QSOX2: variants seen among roughly 807,000 people sequenced by gnomAD.
The protein encoded by QSOX2 is sulfhydryl oxidase 2.
In QSOX2, 46 loss-of-function variants were observed where a neutral mutation model predicts 61.7. The observed-to-expected ratio is 0.75, with a 90% CI of 0.59 to 0.95. The LOEUF is 0.95. Ranked by LOEUF, QSOX2 falls within the 40% of genes least tolerant of loss-of-function variation. The pLI, the probability that QSOX2 is intolerant of heterozygous loss-of-function variation, is 0.00. For synonymous variants in QSOX2, 383 were observed against 388.4 expected (o/e 0.99, Z 0.16); for missense variants, 879 against 918.9 (o/e 0.96, Z 0.56).
At chr9:136,244,128 T>C (rs2131072983) in intron 1 of QSOX2, among the ~76,000 whole-genome samples, 1 of 152,284 alleles carries the variant, frequency 6.6e-6, no homozygotes, top group East Asian at 1.9e-4. Context: ...TGCATTTTAA[T>C]GAACATATCT....
chr9:136,235,275 A>G (rs1197138091), intron 1 of QSOX2, among the ~76,000 whole-genome samples: 4 of 152,236 alleles, frequency 2.6e-5, no homozygotes, highest in Admixed American at 2.0e-4. Context: ...CAGGACCAAC[A>G]TGCCCACTCA....
In QSOX2 at chr9:136,215,208, A is replaced by G. The variant is rs1831894297; in HGVS notation, c.1306T>C (p.Phe436Leu). The G allele has an allele frequency of 6.2e-7, 1 of 1,613,988 alleles. No individual in the cohort carries two copies. The change falls in exon 10 of 12, where the codon TTC (phenylalanine) becomes CTC (leucine). Residue 436 changes from phenylalanine (F) to leucine (L), a missense_variant. Coordinates refer to ENST00000358701, the MANE Select transcript of QSOX2 (RefSeq NM_181701.4). ...RGYPCSLWKL[F>L]HTLTVEASTH... ...GAGGCTTCAACAGTCAAAGTGTGGA[A>G]CAGTTTCCAGAGAGAACACGGGTAA... is the stretch of plus-strand genomic sequence containing the variant.
intron 10 of QSOX2, 87 bp from the exon 11 acceptor site, chr9:136,211,539 G>A (rs1156536786): frequency 5.8e-6 from 8 of 1,385,738 alleles, no homozygotes; most frequent in African/African-American, 1.4e-5. Context: ...GGGGGAAACC[G>A]CTCCTGACAT....
chr9:136,226,300 C>G (rs895145859), intron 2 of QSOX2, among the ~76,000 whole-genome samples: 18 of 152,300 alleles, frequency 1.2e-4, no homozygotes, highest in African/African-American at 4.3e-4. Context: ...CTAGTGGGAG[C>G]AATGGGCACA....
At chr9:136,233,084 G>C (rs970334967) in intron 1 of QSOX2, among the ~76,000 whole-genome samples, 1 of 152,156 alleles carries the variant, frequency 6.6e-6, no homozygotes, top group Non-Finnish European at 1.5e-5. Context: ...CCAGTCGGGA[G>C]AGGCTGACTC....
In QSOX2 at chr9:136,221,029, C is replaced by T. The variant is rs1363576522; in HGVS notation, c.821+767G>A. On this transcript the variant is annotated intron_variant, in intron 6 of 11. Coordinates refer to ENST00000358701, the MANE Select transcript of QSOX2 (RefSeq NM_181701.4). The surrounding 1 kb of genome is among the most constrained non-coding windows in gnomAD (Gnocchi z 4.5). ...TGTTTACTTTTTCATTGGGCTTATC[C>T]GAGGGGCACACAGGCACTCCACGCA... Among the ~76,000 whole-genome samples, 9 of 152,000 alleles carry T rather than the reference C, an allele frequency of 5.9e-5. No homozygotes were observed. The highest frequency in any genetic ancestry group is 1.2e-4 in the African/African-American group (5 of 41,390).
chr9:136,210,019 C>A (rs1490755850), intron 11 of QSOX2: 1 of 985,326 alleles, frequency 1.0e-6, no homozygotes, highest in Admixed American at 6.1e-5. Flanking sequence ...GTAAACACAA[C>A]CACGTTTGTC....
At chr9:136,231,603 T>G (rs868274663) in intron 1 of QSOX2, among the ~76,000 whole-genome samples, 2 of 152,230 alleles carry the variant, frequency 1.3e-5, no homozygotes, top group African/African-American at 4.8e-5. Flanking sequence ...CCCTGGCCAG[T>G]GCTCAGGGGC....
chr9:136,231,792 G>A (rs1340306743), intron 1 of QSOX2, among the ~76,000 whole-genome samples: 1 of 152,204 alleles, frequency 6.6e-6, no homozygotes, highest in Non-Finnish European at 1.5e-5. Flanking sequence ...GAATGTCACC[G>A]CCCCTACTTG....
chr9:136,221,973 A>AG lies in QSOX2; in HGVS notation c.676-33dup. ...GATGAGAACACAATGACACTTCCAC[A>AG]GGGGCTGGCAGTTTCTCAGAAAACA... On this transcript the variant is annotated intron_variant, in intron 5 of 11. Coordinates refer to ENST00000358701, the MANE Select transcript of QSOX2 (RefSeq NM_181701.4). This position sits in a 1 kb window ranked among gnomAD's most constrained non-coding sequence, Gnocchi z 4.5. 6.6e-7 allele frequency: 1 copy of AG among 1,518,148 alleles called. No individual in the cohort carries two copies. Among genetic ancestry groups the AG allele is most frequent in the Non-Finnish European group, 8.9e-7 (1 of 1,129,820 alleles). The allele number at this position is 1,518,148 out of a possible 1,614,324, so 94.0% of individuals were successfully genotyped here.
At chr9:136,218,625 A>G (rs1053147506) in intron 8 of QSOX2, 54 bp downstream of exon 8, 1 of 1,582,316 alleles carries the variant, frequency 6.3e-7, no homozygotes, top group Non-Finnish European at 8.6e-7. Context: ...CCCAGGGCCC[A>G]CTCTGTGCAG....
intron 1 of QSOX2, among the ~76,000 whole-genome samples, chr9:136,235,717 T>C (rs2131067068): frequency 6.6e-6 from 1 of 152,224 alleles, no homozygotes; most frequent in South Asian, 2.1e-4. Context: ...CCCCTCTCCC[T>C]CGCGCTGGGT....
chr9:136,208,709 G>T lies in QSOX2; in HGVS notation c.*19C>A. 1 of 1,588,772 alleles carries T rather than the reference G, an allele frequency of 6.3e-7. No homozygotes were observed. The highest frequency in any genetic ancestry group is 8.6e-7 in the Non-Finnish European group (1 of 1,163,908). On this transcript the variant is annotated 3_prime_UTR_variant, in exon 12 of 12. Coordinates refer to ENST00000358701, the MANE Select transcript of QSOX2 (RefSeq NM_181701.4). The stretch of plus-strand genomic sequence containing the variant: ...TGCCTCCAAGGGAGCTTCCGCCGTG[G>T]CTGGCAGCACCCGGGCACTCACACG...
In QSOX2 at chr9:136,222,807, G is replaced by C. The variant is rs1830235153; in HGVS notation, c.676-866C>G. On this transcript the variant is annotated intron_variant, in intron 5 of 11. Transcript: ENST00000358701. This position sits in a 1 kb window ranked among gnomAD's most constrained non-coding sequence, Gnocchi z 6.9. ...CTTCTCAGGGGAACACCTGCCTCTGGTCTGCGTGTGTGGAGGCCCCGCCCG... is the reference window on the plus strand; with the variant it reads ...CTTCTCAGGGGAACACCTGCCTCTGCTCTGCGTGTGTGGAGGCCCCGCCCG... 1.3e-5 allele frequency among the ~76,000 whole-genome samples: 2 copies of C among 152,236 alleles called. No homozygotes were observed. The highest frequency in any genetic ancestry group is 1.3e-4 in the Admixed American group (2 of 15,284).
chr9:136,223,925 A>C lies in QSOX2; in HGVS notation c.585-72T>G. 1.3e-6 allele frequency: 2 copies of C among 1,572,700 alleles called. No individual in the cohort carries two copies. Among genetic ancestry groups the C allele is most frequent in the Non-Finnish European group, 1.7e-6 (2 of 1,143,336 alleles). On this transcript the variant is annotated intron_variant, in intron 4 of 11. Coordinates refer to ENST00000358701, the MANE Select transcript of QSOX2 (RefSeq NM_181701.4). This position sits in a 1 kb window ranked among gnomAD's most constrained non-coding sequence, Gnocchi z 4.4. ...AGTTGGCCACCACATCCCAGTGGCC[A>C]CATCACTTAATAGAAACCTATTACG...
intron 2 of QSOX2, among the ~76,000 whole-genome samples, chr9:136,225,877 T>C (rs1161471485): frequency 6.6e-6 from 1 of 152,214 alleles, no homozygotes; most frequent in Non-Finnish European, 1.5e-5. Flanking sequence ...GTGTGAACTG[T>C]GTCTGAAGCA....
At position 136,209,392 on chromosome 9, in the gene QSOX2, A is replaced by G; in HGVS notation, c.1550-117T>C. 6.6e-7 allele frequency: 1 copy of G among 1,516,648 alleles called. No homozygotes were observed. The highest frequency in any genetic ancestry group is 1.3e-5 in the South Asian group (1 of 75,452). The allele number at this position is 1,516,648 out of a possible 1,614,324, so 93.9% of individuals were successfully genotyped here. A position where few individuals can be genotyped will look rare whatever the true frequency, so the allele number is the denominator to read the frequency against. On this transcript the variant is annotated intron_variant, in intron 11 of 11. Transcript: ENST00000358701. The surrounding 1 kb of genome is among the most constrained non-coding windows in gnomAD (Gnocchi z 5.6). ...CCACGGGCCTCCACTGCCCTGGCCC[A>G]GGGTCCTGCCAGGCCTCCCTCCCTG...
In QSOX2 at chr9:136,223,857, T is replaced by G; in HGVS notation, c.585-4A>C. On this transcript the variant is annotated splice_polypyrimidine_tract_variant and splice_region_variant and intron_variant, in intron 4 of 11. Coordinates refer to ENST00000358701, the MANE Select transcript of QSOX2 (RefSeq NM_181701.4). The surrounding 1 kb of genome is among the most constrained non-coding windows in gnomAD (Gnocchi z 4.4). ...AAGGGAAAGAACATCACTGGGCCTT[T>G]CAAGAGGAAAAAAAGAGGCTTTTAG... The G allele has an allele frequency of 1.2e-6, 2 of 1,613,604 alleles. No individual in the cohort carries two copies. The highest frequency in any genetic ancestry group is 2.2e-5 in the South Asian group (2 of 90,990).
chr9:136,237,364 C>A (rs1830394445), intron 1 of QSOX2, among the ~76,000 whole-genome samples: 2 of 141,866 alleles, frequency 1.4e-5, no homozygotes, highest in African/African-American at 5.3e-5. Context: ...CTGTCCTGTG[C>A]CACACCTGGA....
Sources: gnomAD v4.1 joint callset for allele counts (sites outside exome capture counted in the v4.1 genomes callset) on GRCh38, gnomAD v4.1.1 for gene constraint, Gnocchi (gnomAD v3.1) non-coding constraint, MANE v1.5 for transcripts, NCBI Gene and HGNC (gene_info 2026-07-23, HGNC 2026-07-21) for gene names.